TENT5B: variants seen among roughly 807,000 people sequenced by gnomAD.
TENT5B encodes terminal nucleotidyltransferase 5B.
TENT5B carries 12 observed loss-of-function variants against 21.7 expected under a neutral mutation model. The observed-to-expected ratio is 0.55, with a 90% confidence interval of 0.36 to 0.90. TENT5B has a LOEUF of 0.90. Ranked by LOEUF, TENT5B falls within the 40% of genes least tolerant of loss-of-function variation. TENT5B has a pLI of 0.01. For missense variants in TENT5B, 540 were observed against 601.5 expected (o/e 0.90, Z 1.07); for synonymous variants, 262 against 266.6 (o/e 0.98, Z 0.17).
chr1:27,008,348 G>A (rs1220689537), intron 1 of TENT5B, among the ~76,000 whole-genome samples: 1 of 152,086 alleles, frequency 6.6e-6, no homozygotes, highest in Non-Finnish European at 1.5e-5. Context: ...TTACTACAAA[G>A]AATGCACCTA....
intron 1 of TENT5B, among the ~76,000 whole-genome samples, chr1:27,007,676 G>A (rs1047846642): frequency 1.3e-5 from 2 of 152,110 alleles, no homozygotes; most frequent in African/African-American, 4.8e-5. Context: ...GAGCCACCGC[G>A]CTCGGTGGTT....
rs1485855125 is a variant in TENT5B, at chr1:27,012,845, G to A, written c.-175C>T. The A allele has an allele frequency of 1.1e-5, 9 of 848,280 alleles. No individual in the cohort carries two copies. Among genetic ancestry groups the A allele is most frequent in the Non-Finnish European group, 1.3e-5 (8 of 599,142 alleles). 52.5% of individuals were successfully genotyped at this position (848,280 alleles called of 1,614,324 possible). On this transcript the variant is annotated 5_prime_UTR_variant, in exon 1 of 2. Transcript: ENST00000289166. ...AGACGGCGACGACTAACCGACCCTA[G>A]CGCCTGCAGCCCGCGGCCCAGCGGA...
chr1:27,010,726 G>A (rs1018269653), intron 1 of TENT5B, among the ~76,000 whole-genome samples: 2 of 152,154 alleles, frequency 1.3e-5, no homozygotes, highest in African/African-American at 2.4e-5. Context: ...CACCATCGCC[G>A]ACAGCTCCCT....
chr1:27,007,324 G>C (rs1357699763), intron 1 of TENT5B, among the ~76,000 whole-genome samples: 1 of 151,960 alleles, frequency 6.6e-6, no homozygotes, highest in Non-Finnish European at 1.5e-5. Flanking sequence ...AGTACAGAGG[G>C]GCCAAGTAAC....
rs2082592563 is a variant in TENT5B, at chr1:27,005,637, C to T, written c.*307G>A. ...GGTGCTGGGCATTAAGGCTACCACC[C>T]CAAACTTGCTTTGTCTCCTGAAGGA... On this transcript the variant is annotated 3_prime_UTR_variant, in exon 2 of 2. Coordinates refer to ENST00000289166, the MANE Select transcript of TENT5B (RefSeq NM_052943.4). 2.6e-6 allele frequency: 1 copy of T among 384,330 alleles called. No homozygotes were observed. Among genetic ancestry groups the T allele is most frequent in the Admixed American group, 4.2e-5 (1 of 23,870 alleles). 23.8% of individuals were successfully genotyped at this position (384,330 alleles called of 1,614,324 possible). A position where few individuals can be genotyped will look rare whatever the true frequency, so the allele number is the denominator to read the frequency against.
At chr1:27,008,730 T>C (rs1337780125) in intron 1 of TENT5B, among the ~76,000 whole-genome samples, 1 of 151,314 alleles carries the variant, frequency 6.6e-6, no homozygotes, top group Non-Finnish European at 1.5e-5. Context: ...GCCTCCCGAA[T>C]AGTTGGGATT....
chr1:27,009,918 C>T (rs934500928), intron 1 of TENT5B, among the ~76,000 whole-genome samples: 5 of 152,246 alleles, frequency 3.3e-5, no homozygotes, highest in African/African-American at 1.2e-4. Flanking sequence ...TACTGCAGGG[C>T]AGCTTGGTGC....
Position 27,012,572 on chromosome 1 carries a change from G to A in TENT5B, c.99C>T (p.Gly33=), listed in dbSNP as rs2082629403. ...ATAAGGCCTCCGGGTCGGGGCCGCC[G>A]CCTGCCGGGGCTGCCGTGGCCACCG... is the stretch of plus-strand genomic sequence containing the variant. The part of the protein sequence containing the change: ...ATAVATAAPA[G]GGPDPEALSA... Residue 33 remains glycine (G), a synonymous_variant, in exon 1 of 2, where the codon GGC becomes GGT. Coordinates refer to ENST00000289166, the MANE Select transcript of TENT5B (RefSeq NM_052943.4). 3 of 1,547,392 alleles carry A rather than the reference G, an allele frequency of 1.9e-6. No homozygotes were observed. Among genetic ancestry groups the A allele is most frequent in the Admixed American group, 3.8e-5 (2 of 52,484 alleles).
At chr1:27,011,928 T>C (rs1424229720) in intron 1 of TENT5B, among the ~76,000 whole-genome samples, 2 of 149,884 alleles carry the variant, frequency 1.3e-5, no homozygotes, top group African/African-American at 4.9e-5. Flanking sequence ...GAAGGGGGGG[T>C]TTCTCCAGCA....
Position 27,012,358 on chromosome 1 carries a change from A to G in TENT5B, c.264+49T>C, listed in dbSNP as rs570268118. On this transcript the variant is annotated intron_variant, in intron 1 of 1. Transcript: ENST00000289166. ...AGACTACAAATGCCTTCCAGCCACG[A>G]GAGCCTCAGAAGGGATTCCCCCACA... 6.2e-5 allele frequency: 98 copies of G among 1,584,604 alleles called. No homozygotes were observed. The South Asian group carries it at 1.0e-3, about 16-fold the overall frequency.
chr1:27,011,275 C>G (rs984175845), intron 1 of TENT5B, among the ~76,000 whole-genome samples: 1 of 152,182 alleles, frequency 6.6e-6, no homozygotes, highest in African/African-American at 2.4e-5. Context: ...CAACCCTCCC[C>G]CTCTGTGGGA....
chr1:27,005,801 T>C lies in TENT5B; in HGVS notation c.*143A>G. ...CAGGGGCCTCGTGCTCGGGAAAGTC[T>C]GGTCTGTTCAATCAAAGGCCCAACC... On this transcript the variant is annotated 3_prime_UTR_variant, in exon 2 of 2. Coordinates refer to ENST00000289166, the MANE Select transcript of TENT5B (RefSeq NM_052943.4). 8.6e-7 allele frequency: 1 copy of C among 1,159,082 alleles called. No homozygotes were observed. The highest frequency in any genetic ancestry group is 2.6e-5 in the East Asian group (1 of 37,912). The allele number at this position is 1,159,082 out of a possible 1,614,324, so 71.8% of individuals were successfully genotyped here. A position where few individuals can be genotyped will look rare whatever the true frequency, so the allele number is the denominator to read the frequency against.
In TENT5B at chr1:27,006,555, G is replaced by A. The variant is rs2082600458; in HGVS notation, c.667C>T (p.Leu223=). The change falls in exon 2 of 2, where the codon CTG becomes TTG. Residue 223 remains leucine, a synonymous_variant. Coordinates refer to ENST00000289166, the MANE Select transcript of TENT5B (RefSeq NM_052943.4). This position sits in a 1 kb window ranked among gnomAD's most constrained non-coding sequence, Gnocchi z 9.4. ...TGGCCAAAGAGCAACAGGGAGTCCA[G>A]GATGATCTGGAAGGAGTCTATGCTG... The part of the protein sequence containing the change: ...EFSIDSFQII[L]DSLLLFGQCS... 6.2e-7 allele frequency: 1 copy of A among 1,614,082 alleles called. No homozygotes were observed. Among genetic ancestry groups the A allele is most frequent in the African/African-American group, 1.3e-5 (1 of 74,952 alleles).
At chr1:27,008,848 T>C (rs1207033978) in intron 1 of TENT5B, among the ~76,000 whole-genome samples, 1 of 151,136 alleles carries the variant, frequency 6.6e-6, no homozygotes, top group Non-Finnish European at 1.5e-5. Context: ...GTGATCCACC[T>C]GCCGCAGCTT....
Position 27,012,686 on chromosome 1 carries a change from G to T in TENT5B, c.-16C>A. ...ACGGCATCATCCGCCCGGCCCCCGGGCCCCGACGGCAGAAACCGTGGGGGT... is the reference window on the plus strand; with the variant it reads ...ACGGCATCATCCGCCCGGCCCCCGGTCCCCGACGGCAGAAACCGTGGGGGT... On this transcript the variant is annotated 5_prime_UTR_variant, in exon 1 of 2. Coordinates refer to ENST00000289166, the MANE Select transcript of TENT5B (RefSeq NM_052943.4). 2.1e-6 allele frequency: 3 copies of T among 1,452,598 alleles called. No homozygotes were observed. Among genetic ancestry groups the T allele is most frequent in the Non-Finnish European group, 2.7e-6 (3 of 1,117,298 alleles). The allele number at this position is 1,452,598 out of a possible 1,614,324, so 90.0% of individuals were successfully genotyped here.
In TENT5B at chr1:27,006,045, G is replaced by C; in HGVS notation, c.1177C>G (p.Pro393Ala). ...GCTGGCACAACCCCGTCAGTGCCTGGAGGGCGCCAGGCCAGGGCGGCAGTG... is the reference window on the plus strand; with the variant it reads ...GCTGGCACAACCCCGTCAGTGCCTGCAGGGCGCCAGGCCAGGGCGGCAGTG... ...AATAALAWRP[P>A]GTDGVVPATV... The change falls in exon 2 of 2, where the codon CCA becomes GCA. Residue 393 changes from proline (P) to alanine (A), a missense_variant. Pro to Ala is a conservative substitution (Grantham distance 27). Transcript: ENST00000289166. This position sits in a 1 kb window ranked among gnomAD's most constrained non-coding sequence, Gnocchi z 9.4. 1 of 1,611,578 alleles carries C rather than the reference G, an allele frequency of 6.2e-7. No individual in the cohort carries two copies. Among genetic ancestry groups the C allele is most frequent in the South Asian group, 1.1e-5 (1 of 90,878 alleles).
rs367886015 is a variant in TENT5B, at chr1:27,006,760, G to C, written c.462C>G (p.Phe154Leu). ...TGGCCCGGCTCACACCGGCCGGCAGGAAGTCTAGTAGGCAGGCCAGCACCA... is the reference window on the plus strand; with the variant it reads ...TGGCCCGGCTCACACCGGCCGGCAGCAAGTCTAGTAGGCAGGCCAGCACCA... The part of the protein sequence containing the change: ...KAVVLACLLD[F>L]LPAGVSRAKI... The change falls in exon 2 of 2, where the codon TTC becomes TTG. Residue 154 changes from phenylalanine to leucine, a missense_variant. By Grantham distance (22) the Phe-to-Leu change is conservative. Coordinates refer to ENST00000289166, the MANE Select transcript of TENT5B (RefSeq NM_052943.4). The surrounding 1 kb of genome is among the most constrained non-coding windows in gnomAD (Gnocchi z 9.4). 5.6e-5 allele frequency: 91 copies of C among 1,613,968 alleles called. 1 individual carries two copies. The highest frequency in any genetic ancestry group is 5.7e-5 in the Non-Finnish European group (67 of 1,180,030).
rs2082592217 is a variant in TENT5B at position 27,005,598 on chromosome 1, G to C, written c.*346C>G. ...AGTCAAAAAGACCCTCTTAGACCAT[G>C]GGAATCAATCCAAGGTGCTGGGCAT... is the stretch of plus-strand genomic sequence containing the variant. On this transcript the variant is annotated 3_prime_UTR_variant, in exon 2 of 2. Coordinates refer to ENST00000289166, the MANE Select transcript of TENT5B (RefSeq NM_052943.4). 3.5e-6 allele frequency: 1 copy of C among 288,640 alleles called. No homozygotes were observed. Among genetic ancestry groups the C allele is most frequent in the Non-Finnish European group, 6.5e-6 (1 of 153,926 alleles). 17.9% of individuals were successfully genotyped at this position (288,640 alleles called of 1,614,324 possible).
chr1:27,006,227 C>T lies in TENT5B; in HGVS notation c.995G>A (p.Gly332Asp), dbSNP rs950284471. The change falls in exon 2 of 2, where the codon GGT (glycine) becomes GAT (aspartate). Residue 332 changes from glycine (G) to aspartate (D), a missense_variant. Physicochemically the swap from Gly to Asp is moderately conservative, Grantham distance 94. Transcript: ENST00000289166. This position sits in a 1 kb window ranked among gnomAD's most constrained non-coding sequence, Gnocchi z 9.4. ...TLERYLEAHF[G>D]GADAARRYAC... ...GTAACGGCGGGCTGCATCTGCCCCA[C>T]CGAAGTGGGCCTCCAGGTAGCGCTC... 5 of 1,610,702 alleles carry T rather than the reference C, an allele frequency of 3.1e-6. No individual in the cohort carries two copies. Among genetic ancestry groups the T allele is most frequent in the Non-Finnish European group, 4.2e-6 (5 of 1,179,128 alleles).
Sources: allele counts gnomAD v4.1 joint callset (sites outside exome capture counted in the v4.1 genomes callset), GRCh38; gene constraint gnomAD v4.1.1; non-coding constraint Gnocchi (gnomAD v3.1); transcripts MANE v1.5; gene names NCBI Gene and HGNC (gene_info 2026-07-23, HGNC 2026-07-21).